The following CEP112 variants were observed in gnomAD, a reference collection of about 807,000 sequenced individuals.
The protein encoded by CEP112 is centrosomal protein of 112 kDa.
In CEP112, 127 loss-of-function variants were observed where a neutral mutation model predicts 153.0. That is an observed-to-expected ratio of 0.83 (90% CI 0.72 to 0.96). CEP112 has a LOEUF of 0.96. CEP112 is among the 40% of genes least tolerant of loss of function. The probability of loss-of-function intolerance (pLI) is 0.00; values close to 1 mark genes in which losing one functional copy is unlikely to be tolerated. For synonymous variants in CEP112, 358 were observed against 374.4 expected (o/e 0.96, Z 0.51); for missense variants, 1,089 against 1,101.2 (o/e 0.99, Z 0.16).
In CEP112 at chr17:65,654,867, T is replaced by C. The variant is rs750567413; in HGVS notation, c.2698-13802A>G. 41 of 475,240 alleles carry C rather than the reference T, an allele frequency of 8.6e-5. 1 individual carries two copies. Among genetic ancestry groups the C allele is most frequent in the African/African-American group, 1.4e-4 (7 of 49,718 alleles). The allele number at this position is 475,240 out of a possible 1,614,324, so 29.4% of individuals were successfully genotyped here. A position where few individuals can be genotyped will look rare whatever the true frequency, so the allele number is the denominator to read the frequency against. On this transcript the variant is annotated intron_variant, in intron 24 of 26. Coordinates refer to ENST00000535342, the MANE Select transcript of CEP112 (RefSeq NM_001199165.4). ...TCAAAGACTTAAATTCTGAATAAGATTGAGGTTGTCACTGGGGTCGTACCA... is the reference window on the plus strand; with the variant it reads ...TCAAAGACTTAAATTCTGAATAAGACTGAGGTTGTCACTGGGGTCGTACCA...
chr17:65,906,265 C>CG (rs60160515), intron 19 of CEP112, among the ~76,000 whole-genome samples: 30,845 of 106,916 alleles, frequency 0.29, 3,658 homozygotes, highest in South Asian at 0.45. Flanking sequence ...AGGGGCCTGT[C>CG]GGGGGGGTAG....
At chr17:66,028,435 A>G in intron 14 of CEP112, 30 bp from the exon 15 acceptor site, 1 of 1,343,334 alleles carries the variant, frequency 7.4e-7, no homozygotes, top group African/African-American at 1.5e-5. Flanking sequence ...AATAAAAAGC[A>G]GAATATTGAT....
intron 8 of CEP112, among the ~76,000 whole-genome samples, chr17:66,086,338 G>A (rs1257824086): frequency 1.4e-5 from 2 of 146,616 alleles, no homozygotes; most frequent in Non-Finnish European, 3.0e-5. Flanking sequence ...ATTAAATGTT[G>A]AATAAAAGGG....
At chr17:66,128,308 A>G (rs2069953019) in intron 6 of CEP112, among the ~76,000 whole-genome samples, 1 of 150,578 alleles carries the variant, frequency 6.6e-6, no homozygotes, top group Non-Finnish European at 1.5e-5. Context: ...GTCTCAAAAA[A>G]AAAAAAAAAA....
At chr17:66,092,628 A>T (rs1361127163) in intron 8 of CEP112, among the ~76,000 whole-genome samples, 1 of 152,184 alleles carries the variant, frequency 6.6e-6, no homozygotes, top group Non-Finnish European at 1.5e-5. Context: ...CCTCAACAAA[A>T]TATTAGCCAA....
chr17:65,789,931 A>G (rs4790927), intron 21 of CEP112, among the ~76,000 whole-genome samples: 56,403 of 151,984 alleles, frequency 0.37, 11,480 homozygotes, highest in Middle Eastern at 0.49. Flanking sequence ...CCACCCTTCT[A>G]CTCCAAGTCT....
chr17:66,057,148 T>C (rs1257727976), intron 11 of CEP112, among the ~76,000 whole-genome samples: 2 of 152,204 alleles, frequency 1.3e-5, no homozygotes, highest in Admixed American at 6.5e-5. Context: ...CCAATTTGGC[T>C]GTATTGTGGG....
chr17:66,056,312 C>A (rs138337285), intron 11 of CEP112, among the ~76,000 whole-genome samples: 344 of 152,246 alleles, frequency 2.3e-3, no homozygotes, highest in African/African-American at 7.8e-3. Context: ...AATAGCGCAG[C>A]CACTGTGGAA....
At chr17:66,099,940 C>T (rs1457499313) in intron 6 of CEP112, among the ~76,000 whole-genome samples, 1 of 151,990 alleles carries the variant, frequency 6.6e-6, no homozygotes, top group Non-Finnish European at 1.5e-5. Context: ...TATTTTTGTT[C>T]CACCACCACT....
At chr17:65,937,238 C>G (rs986236340) in intron 18 of CEP112, among the ~76,000 whole-genome samples, 7 of 119,286 alleles carry the variant, frequency 5.9e-5, no homozygotes, top group African/African-American at 2.0e-4. Context: ...CGGCCGCCAC[C>G]CCGTCTGGGA....
At chr17:65,819,328 C>T (rs557098793) in intron 21 of CEP112, among the ~76,000 whole-genome samples, 1 of 151,844 alleles carries the variant, frequency 6.6e-6, no homozygotes, top group Non-Finnish European at 1.5e-5. Context: ...ATTTTCTCTC[C>T]TAATGATATG....
chr17:65,831,685 C>A (rs1421301065), intron 21 of CEP112, among the ~76,000 whole-genome samples: 2 of 151,302 alleles, frequency 1.3e-5, no homozygotes, highest in Non-Finnish European at 2.9e-5. Context: ...AAATAAAAAA[C>A]CAAATAGAAA....
At chr17:66,016,769 A>G (rs2064794066) in intron 16 of CEP112, among the ~76,000 whole-genome samples, 1 of 152,134 alleles carries the variant, frequency 6.6e-6, no homozygotes, top group Admixed American at 6.5e-5. Flanking sequence ...GGGACTCAGA[A>G]CTGCCACATA....
intron 4 of CEP112, among the ~76,000 whole-genome samples, chr17:66,172,290 C>T (rs932944085): frequency 6.6e-6 from 1 of 152,166 alleles, no homozygotes; most frequent in Non-Finnish European, 1.5e-5. Flanking sequence ...TAAGCCTCTA[C>T]ACATGGGATG....
chr17:66,035,011 T>A (rs1416735989), intron 12 of CEP112, among the ~76,000 whole-genome samples: 50 of 132,606 alleles, frequency 3.8e-4, no homozygotes, highest in African/African-American at 1.3e-3. Context: ...TATATATATT[T>A]TTTTTTTTAG....
At chr17:65,757,421 C>G (rs909049698) in intron 21 of CEP112, among the ~76,000 whole-genome samples, 1 of 152,108 alleles carries the variant, frequency 6.6e-6, no homozygotes, top group South Asian at 2.1e-4. Context: ...TGGGAAATTT[C>G]AGAAGTGAAG....
chr17:65,794,556 C>G (rs143547679), intron 21 of CEP112, among the ~76,000 whole-genome samples: 10 of 152,292 alleles, frequency 6.6e-5, no homozygotes, highest in African/African-American at 2.4e-4. Context: ...CCTGGCGAAA[C>G]TCTCAACTTC....
intron 18 of CEP112, among the ~76,000 whole-genome samples, chr17:65,951,132 GT>G (rs2061815363): frequency 6.6e-6 from 1 of 151,966 alleles, no homozygotes; most frequent in Admixed American, 6.6e-5. Flanking sequence ...GCTAGATTCC[GT>G]TTTCCAAAAT....
chr17:65,884,241 A>AT (rs2059190755), intron 20 of CEP112, among the ~76,000 whole-genome samples: 3 of 152,250 alleles, frequency 2.0e-5, no homozygotes, highest in Non-Finnish European at 4.4e-5. Flanking sequence ...GGAGAAGTAG[A>AT]AGTGGAAGAA....
Sources: allele counts gnomAD v4.1 joint callset (sites outside exome capture counted in the v4.1 genomes callset), GRCh38; gene constraint gnomAD v4.1.1; transcripts MANE v1.5; gene names NCBI Gene and HGNC (gene_info 2026-07-23, HGNC 2026-07-21).